Variants in PCDH15 observed in about 807,000 individuals in gnomAD.
PCDH15 encodes the protein protocadherin-15.
A neutral mutation model predicts 178.5 loss-of-function variants in PCDH15; 129 were observed. The observed-to-expected ratio is 0.72, with a 90% CI of 0.63 to 0.84. The LOEUF (loss-of-function observed/expected upper bound fraction) is 0.84. Among genes scored for constraint, PCDH15 ranks in the 40% least tolerant of loss-of-function variants. The pLI, the probability that PCDH15 is intolerant of heterozygous loss-of-function variation, is 0.00. For synonymous variants in PCDH15, 800 were observed against 732.0 expected (o/e 1.09, Z -1.50); for missense variants, 2,230 against 2,099.9 (o/e 1.06, Z -1.21).
intron 8 of PCDH15, among the ~76,000 whole-genome samples, chr10:54,281,874 A>C (rs1398731792): frequency 6.6e-6 from 1 of 152,080 alleles, no homozygotes; most frequent in Non-Finnish European, 1.5e-5. Flanking sequence ...TTGAGGTAAT[A>C]TTGCAGGCAC....
At chr10:55,564,165 T>C (rs1842254191) in intron 2 of PCDH15, among the ~76,000 whole-genome samples, 1 of 151,724 alleles carries the variant, frequency 6.6e-6, no homozygotes. Context: ...TTATACATAA[T>C]AGAGAATACT....
intron 2 of PCDH15, among the ~76,000 whole-genome samples, chr10:55,574,256 T>C (rs1482857195): frequency 4.6e-5 from 7 of 152,036 alleles, no homozygotes; most frequent in Admixed American, 3.9e-4. Context: ...AATATGACAA[T>C]GAAATAGTGG....
At chr10:54,524,830 T>C (rs779068226) in intron 3 of PCDH15, among the ~76,000 whole-genome samples, 24 of 152,154 alleles carry the variant, frequency 1.6e-4, no homozygotes, top group Admixed American at 3.3e-4. Flanking sequence ...AAGCTTAGTA[T>C]TACCAGCAAT....
chr10:54,755,931 CACCAT>C (rs1947019568), intron 1 of PCDH15, among the ~76,000 whole-genome samples: 2 of 152,008 alleles, frequency 1.3e-5, no homozygotes, highest in South Asian at 4.1e-4. Flanking sequence ...ATCGTGTAAA[CACCAT>C]GAGACAAGGC....
chr10:55,562,157 C>T (rs910313842), intron 2 of PCDH15, among the ~76,000 whole-genome samples: 11 of 151,834 alleles, frequency 7.2e-5, no homozygotes, highest in Non-Finnish European at 1.6e-4. Context: ...ATTTTAAGGG[C>T]TTACTGTTCC....
intron 2 of PCDH15, among the ~76,000 whole-genome samples, chr10:54,602,939 A>G (rs181157401): frequency 6.1e-5 from 9 of 148,012 alleles, no homozygotes; most frequent in Non-Finnish European, 8.8e-5. Flanking sequence ...TTTCTTGTGG[A>G]TGTCTTTGGT....
chr10:54,472,869 T>A (rs1256827617), intron 3 of PCDH15, among the ~76,000 whole-genome samples: 1 of 152,098 alleles, frequency 6.6e-6, no homozygotes. Context: ...GTAAAATATA[T>A]CCTATATACA....
chr10:55,446,088 C>T (rs971787891), intron 2 of PCDH15, among the ~76,000 whole-genome samples: 16 of 152,048 alleles, frequency 1.1e-4, no homozygotes, highest in African/African-American at 3.9e-4. Context: ...TGCAACCATT[C>T]CTATATGGGG....
intron 1 of PCDH15, among the ~76,000 whole-genome samples, chr10:54,694,292 T>G (rs2095181325): frequency 6.6e-6 from 1 of 152,042 alleles, no homozygotes; most frequent in Non-Finnish European, 1.5e-5. Flanking sequence ...TTTATAGAGA[T>G]GTCAAATAAT....
At chr10:54,974,090 C>T (rs1221291602) in intron 2 of PCDH15, among the ~76,000 whole-genome samples, 1 of 151,310 alleles carries the variant, frequency 6.6e-6, no homozygotes, top group African/African-American at 2.4e-5. Flanking sequence ...CACAGACACA[C>T]ACACACATAC....
At chr10:54,759,897 AAC>A (rs1352837968) in intron 1 of PCDH15, among the ~76,000 whole-genome samples, 1 of 152,138 alleles carries the variant, frequency 6.6e-6, no homozygotes, top group Admixed American at 6.5e-5. Flanking sequence ...CCTGAGCAAA[AAC>A]AGTCTTGGGT....
At chr10:54,160,916 G>A (rs2045643662) in intron 13 of PCDH15, among the ~76,000 whole-genome samples, 1 of 152,124 alleles carries the variant, frequency 6.6e-6, no homozygotes, top group African/African-American at 2.4e-5. Context: ...AGGATGTAGT[G>A]GGTGGTAAAA....
intron 2 of PCDH15, among the ~76,000 whole-genome samples, chr10:55,387,264 C>A (rs919220215): frequency 6.6e-6 from 1 of 151,998 alleles, no homozygotes; most frequent in Admixed American, 6.6e-5. Context: ...GCCCTAGGAT[C>A]GCTGATAGTT....
chr10:54,307,753 GAATT>G (rs1382956427), intron 8 of PCDH15, among the ~76,000 whole-genome samples: 1 of 151,914 alleles, frequency 6.6e-6, no homozygotes, highest in Non-Finnish European at 1.5e-5. Flanking sequence ...AAATAATACT[GAATT>G]AATTAGAAGT....
At chr10:54,877,920 C>A (rs1057486791) in intron 3 of PCDH15, among the ~76,000 whole-genome samples, 1 of 123,600 alleles carries the variant, frequency 8.1e-6, no homozygotes, top group African/African-American at 2.9e-5. Flanking sequence ...TTCTCTTATT[C>A]TCTTTCTCTC....
At chr10:54,688,015 A>G (rs1243193027) in intron 1 of PCDH15, among the ~76,000 whole-genome samples, 1 of 152,156 alleles carries the variant, frequency 6.6e-6, no homozygotes, top group Non-Finnish European at 1.5e-5. Context: ...TTAAGAGGAT[A>G]GGTCTCACGT....
intron 2 of PCDH15, among the ~76,000 whole-genome samples, chr10:54,640,207 ATATT>A (rs1353859676): frequency 1.3e-5 from 2 of 152,194 alleles, no homozygotes; most frequent in Non-Finnish European, 2.9e-5. Context: ...GTTATTTTGC[ATATT>A]TAAACATAAT....
intron 13 of PCDH15, among the ~76,000 whole-genome samples, chr10:54,156,527 A>G (rs936868046): frequency 1.3e-5 from 2 of 152,170 alleles, no homozygotes; most frequent in African/African-American, 4.8e-5. Flanking sequence ...CAGCACAGGA[A>G]AGACTTGCCC....
intron 18 of PCDH15, among the ~76,000 whole-genome samples, chr10:54,031,684 C>G (rs1478050046): frequency 6.6e-6 from 1 of 152,098 alleles, no homozygotes; most frequent in Non-Finnish European, 1.5e-5. Flanking sequence ...CTGCAGGCCT[C>G]TTACTAAGTA....
Sources: gnomAD v4.1 joint callset for allele counts (sites outside exome capture counted in the v4.1 genomes callset) on GRCh38, gnomAD v4.1.1 for gene constraint, MANE v1.5 for transcripts, NCBI Gene and HGNC (gene_info 2026-07-23, HGNC 2026-07-21) for gene names.